MYO1E: variants seen among roughly 807,000 people sequenced by gnomAD.
MYO1E encodes the protein myosin IE.
In MYO1E, 68 loss-of-function variants were observed where a neutral mutation model predicts 151.1. The ratio of observed to expected loss-of-function variants is 0.45; its 90% CI spans 0.37 to 0.55. The LOEUF (loss-of-function observed/expected upper bound fraction) is 0.55. Among genes scored for constraint, MYO1E ranks in the 20% least tolerant of loss-of-function variants. The probability of loss-of-function intolerance (pLI) is 0.00; values close to 1 mark genes in which losing one functional copy is unlikely to be tolerated. For synonymous variants in MYO1E, 601 were observed against 501.7 expected (o/e 1.20, Z -2.64); for missense variants, 1,363 against 1,389.3 (o/e 0.98, Z 0.30).
At chr15:59,162,005 T>C (rs2079540632) in intron 23 of MYO1E, among the ~76,000 whole-genome samples, 1 of 152,186 alleles carries the variant, frequency 6.6e-6, no homozygotes, top group African/African-American at 2.4e-5. Context: ...TCCCATTTTA[T>C]AGATGGGGAA....
At chr15:59,327,054 G>C (rs2080669200) in intron 1 of MYO1E, among the ~76,000 whole-genome samples, 1 of 152,194 alleles carries the variant, frequency 6.6e-6, no homozygotes, top group African/African-American at 2.4e-5. Context: ...GGCTTTTCGG[G>C]TGGGGTCGCA....
rs542102763 is a variant in MYO1E at position 59,147,078 on chromosome 15, G to T, written c.3080+6512C>A. On this transcript the variant is annotated intron_variant, in intron 26 of 27. Transcript: ENST00000288235. ...AAGTCCTATATTAGTGACCAGAGAA[G>T]ACCAAGTGATATACTTGCCCCGAGA... is the stretch of plus-strand genomic sequence containing the variant. Among the ~76,000 whole-genome samples the T allele has an allele frequency of 9.9e-5, 15 of 152,248 alleles. 1 individual carries two copies. In the South Asian group the frequency reaches 3.1e-3, roughly 32 times the overall value.
At chr15:59,339,114 A>C (rs2140427814) in intron 1 of MYO1E, among the ~76,000 whole-genome samples, 1 of 152,360 alleles carries the variant, frequency 6.6e-6, no homozygotes, top group East Asian at 1.9e-4. Context: ...CCTGGGTGGC[A>C]GAGCAAGACT....
At chr15:59,272,598 G>A (rs1212833730) in intron 1 of MYO1E, 149 bp from the exon 2 acceptor site, 10 of 914,798 alleles carry the variant, frequency 1.1e-5, no homozygotes, top group Non-Finnish European at 1.5e-5. Context: ...ATAAGATGAG[G>A]ATTCAAGTTC....
chr15:59,164,437 C>G (rs779422654), intron 22 of MYO1E, among the ~76,000 whole-genome samples: 1 of 152,182 alleles, frequency 6.6e-6, no homozygotes, highest in Non-Finnish European at 1.5e-5. Flanking sequence ...GCCACAGACA[C>G]GGTTCTTTGT....
chr15:59,348,466 G>A (rs1191256210), intron 1 of MYO1E, among the ~76,000 whole-genome samples: 2 of 152,068 alleles, frequency 1.3e-5, no homozygotes, highest in Non-Finnish European at 2.9e-5. Context: ...CTGCTTTTAG[G>A]AACCATCCAG....
At chr15:59,316,164 A>C (rs1311579751) in intron 1 of MYO1E, among the ~76,000 whole-genome samples, 4 of 152,182 alleles carry the variant, frequency 2.6e-5, no homozygotes, top group African/African-American at 7.2e-5. Context: ...AGAGTGCAAC[A>C]ATCTCTCACC....
intron 4 of MYO1E, among the ~76,000 whole-genome samples, chr15:59,254,110 T>C (rs921118476): frequency 6.6e-6 from 1 of 152,134 alleles, no homozygotes; most frequent in Non-Finnish European, 1.5e-5. Flanking sequence ...GAATTCTTCC[T>C]GTTTAAGGTG....
intron 1 of MYO1E, among the ~76,000 whole-genome samples, chr15:59,279,802 G>T (rs16941232): frequency 0.025 from 3,856 of 152,312 alleles, 77 homozygotes; most frequent in Non-Finnish European, 0.036. Flanking sequence ...GGATGGTAAG[G>T]AGCCCCAATT....
intron 1 of MYO1E, among the ~76,000 whole-genome samples, chr15:59,320,390 C>T (rs2080618449): frequency 6.6e-6 from 1 of 152,076 alleles, no homozygotes; most frequent in South Asian, 2.1e-4. Context: ...AAGAATAAAG[C>T]CAGAGACATC....
chr15:59,246,022 T>C (rs2080127762), intron 4 of MYO1E, among the ~76,000 whole-genome samples: 1 of 152,270 alleles, frequency 6.6e-6, no homozygotes, highest in African/African-American at 2.4e-5. Context: ...ATTAATGAGC[T>C]AAGCAGATAT....
Position 59,256,383 on chromosome 15 carries a change from A to G in MYO1E, c.238-5T>C. 9 of 1,530,332 alleles carry G rather than the reference A, an allele frequency of 5.9e-6. No individual in the cohort carries two copies. The highest frequency in any genetic ancestry group is 1.2e-5 in the South Asian group (1 of 83,660). 94.8% of individuals were successfully genotyped at this position (1,530,332 alleles called of 1,614,324 possible). Reference sequence around the variant, plus strand: ...TGGTGGGTTTTCATACTGTGCCTAGAAAAGCAAAAAATAATAATACATAAA... The same window carrying G: ...TGGTGGGTTTTCATACTGTGCCTAGGAAAGCAAAAAATAATAATACATAAA... On this transcript the variant is annotated splice_polypyrimidine_tract_variant and splice_region_variant and intron_variant, in intron 3 of 27. Transcript: ENST00000288235.
intron 12 of MYO1E, among the ~76,000 whole-genome samples, chr15:59,212,201 A>C (rs1475822828): frequency 1.3e-5 from 2 of 152,006 alleles, no homozygotes; most frequent in African/African-American, 4.8e-5. Flanking sequence ...CAGGAAACCC[A>C]TATGGAAACT....
rs376331736 is a variant in MYO1E at position 59,174,181 on chromosome 15, C to T, written c.2109G>A (p.Gln703=). 2.4e-5 allele frequency: 39 copies of T among 1,613,996 alleles called. No individual in the cohort carries two copies. Among genetic ancestry groups the T allele is most frequent in the Non-Finnish European group, 1.6e-5 (19 of 1,180,004 alleles). Residue 703 remains glutamine (Q), a synonymous_variant, in exon 20 of 28, where the codon CAG becomes CAA. Transcript: ENST00000288235. ...GGGCCACGAATTTCCTCCATGATTTCTGTATCACTCGAGCATACCCATCAT... is the reference window on the plus strand; with the variant it reads ...GGGCCACGAATTTCCTCCATGATTTTTGTATCACTCGAGCATACCCATCAT... ...RKYDGYARVI[Q]KSWRKFVARK... is the part of the protein sequence containing the mutation.
intron 1 of MYO1E, among the ~76,000 whole-genome samples, chr15:59,356,909 GGT>G (rs2080856606): frequency 5.2e-5 from 1 of 19,288 alleles, no homozygotes; most frequent in African/African-American, 8.7e-5. Context: ...GTTTGTTTTT[GGT>G]TTTTTTTTTT....
At chr15:59,334,404 T>C (rs1596424441) in intron 1 of MYO1E, among the ~76,000 whole-genome samples, 1 of 152,024 alleles carries the variant, frequency 6.6e-6, no homozygotes, top group South Asian at 2.1e-4. Flanking sequence ...TTATGCATTG[T>C]AGGACTGTAT....
At chr15:59,328,709 A>G (rs981772731) in intron 1 of MYO1E, among the ~76,000 whole-genome samples, 4 of 152,102 alleles carry the variant, frequency 2.6e-5, no homozygotes, top group Admixed American at 6.5e-5. Flanking sequence ...TCAGCCCTCA[A>G]TATATTGGGC....
intron 6 of MYO1E, among the ~76,000 whole-genome samples, chr15:59,229,463 GTTAACATAT>G (rs1258672352): frequency 3.9e-5 from 6 of 152,198 alleles, no homozygotes; most frequent in Admixed American, 1.3e-4. Context: ...CTAACAAAAG[GTTAACATAT>G]TTAGGACTGC....
At position 59,323,510 on chromosome 15, in the gene MYO1E, G is replaced by C. The variant is rs371857861; in HGVS notation, c.3+48988C>G. On this transcript the variant is annotated intron_variant, in intron 1 of 27. Coordinates refer to ENST00000288235, the MANE Select transcript of MYO1E (RefSeq NM_004998.4). ...TACTAAAAATACACACAAAAAAATA[G>C]CCAGGCACGGTGGTGGGCGCTTGCA... 5.1e-4 allele frequency among the ~76,000 whole-genome samples: 78 copies of C among 151,854 alleles called. No homozygotes were observed. The South Asian group carries it at 0.016, about 31-fold the overall frequency.
Sources: gnomAD v4.1 joint callset for allele counts (sites outside exome capture counted in the v4.1 genomes callset) on GRCh38, gnomAD v4.1.1 for gene constraint, MANE v1.5 for transcripts, NCBI Gene and HGNC (gene_info 2026-07-23, HGNC 2026-07-21) for gene names.